The following MTMR4 variants were observed in gnomAD, a reference collection of about 807,000 sequenced individuals.
The protein encoded by MTMR4 is phosphatidylinositol-3,5-bisphosphate 3-phosphatase MTMR4.
MTMR4 carries 30 observed loss-of-function variants against 125.5 expected under a neutral mutation model. The observed-to-expected ratio is 0.24, with a 90% CI of 0.18 to 0.32. The LOEUF (loss-of-function observed/expected upper bound fraction) is 0.32, where lower values mean the gene tolerates loss of function less well. Among genes scored for constraint, MTMR4 ranks in the 10% least tolerant of loss-of-function variants. The probability of loss-of-function intolerance (pLI) is 1.00; values close to 1 mark genes in which losing one functional copy is unlikely to be tolerated. For synonymous variants in MTMR4, 498 were observed against 564.5 expected (o/e 0.88, Z 1.67); for missense variants, 1,039 against 1,511.5 (o/e 0.69, Z 5.18).
rs779175062 is a variant in MTMR4 at position 58,491,827 on chromosome 17, C to A, written c.3466G>T (p.Val1156Leu). Residue 1156 changes from valine to leucine, a missense_variant, in exon 18 of 18, where the codon GTA becomes TTA. Physicochemically the swap from Val to Leu is conservative, Grantham distance 32. Transcript: ENST00000682306. ...AGGTGGCAGCATCCAGCACAAAATA[C>A]ATTCCCACAATTTCTGTCAAAGCAG... ...RRHHCRNCGN[V>L]FCAGCCHLKL... 1 of 1,612,334 alleles carries A rather than the reference C, an allele frequency of 6.2e-7. No homozygotes were observed. The highest frequency in any genetic ancestry group is 2.2e-5 in the East Asian group (1 of 44,822).
rs2302189 is a variant in MTMR4, at chr17:58,506,844, A to C, written c.932T>G (p.Val311Gly). 619,522 of 1,611,908 alleles carry C rather than the reference A, an allele frequency of 0.38. 122,014 individuals are homozygous for C. Among genetic ancestry groups the C allele is most frequent in the Admixed American group, 0.56 (33,748 of 59,790 alleles). Residue 311 changes from valine to glycine, a missense_variant, in exon 9 of 18, where the codon GTG (valine) becomes GGG (glycine). Physicochemically the swap from Val to Gly is moderately radical, Grantham distance 109 (BLOSUM62 -3). Transcript: ENST00000682306. ...CTTTTGAGGAGCTGCTGTGCTCTCC[A>C]CTCCAGAGCACGCAGTCAGAGAAGA... ...FDSSLTACSG[V>G]ESTAAPQKLL... is the part of the protein sequence containing the mutation.
intron 4 of MTMR4, among the ~76,000 whole-genome samples, chr17:58,509,539 C>T (rs1245267924): frequency 1.3e-5 from 2 of 151,502 alleles, no homozygotes; most frequent in Admixed American, 6.6e-5. Flanking sequence ...ACAAATCAGT[C>T]CCCTGAGTAG....
chr17:58,505,998 G>A (rs1388830562), intron 9 of MTMR4, among the ~76,000 whole-genome samples: 7 of 152,210 alleles, frequency 4.6e-5, no homozygotes, highest in Non-Finnish European at 7.3e-5. Context: ...TGGCAGGGCA[G>A]AGCACTCCAG....
Position 58,508,967 on chromosome 17 carries a change from A to T in MTMR4, c.336-126T>A. ...AAGGCTGCAAAGCAAGAGGTAAAGC[A>T]GTGGGGACCCAGGGTGGGGGGACGA... On this transcript the variant is annotated intron_variant, in intron 4 of 17. Coordinates refer to ENST00000682306, the MANE Select transcript of MTMR4 (RefSeq NM_001378067.1). This position sits in a 1 kb window ranked among gnomAD's most constrained non-coding sequence, Gnocchi z 4.8. The T allele has an allele frequency of 9.5e-7, 1 of 1,058,004 alleles. No homozygotes were observed. The highest frequency in any genetic ancestry group is 1.4e-6 in the Non-Finnish European group (1 of 738,676). The allele number at this position is 1,058,004 out of a possible 1,614,324, so 65.5% of individuals were successfully genotyped here. A position where few individuals can be genotyped will look rare whatever the true frequency, so the allele number is the denominator to read the frequency against.
intron 15 of MTMR4, 147 bp downstream of exon 15, chr17:58,494,785 T>C: frequency 2.8e-6 from 2 of 701,924 alleles, no homozygotes; most frequent in South Asian, 1.9e-5. Context: ...AAAAACATCA[T>C]TCTAATTGCT....
rs779534580 is a variant in MTMR4 at position 58,507,119 on chromosome 17, T to C, written c.904+4A>G. 1 of 1,614,080 alleles carries C rather than the reference T, an allele frequency of 6.2e-7. No homozygotes were observed. Among genetic ancestry groups the C allele is most frequent in the Non-Finnish European group, 8.5e-7 (1 of 1,179,994 alleles). ...CTGGGGGGTTAGCATCATCCACACC[T>C]TACCAAAGTCAGCATCACACGCCTC... On this transcript the variant is annotated splice_donor_region_variant and intron_variant, in intron 8 of 17. Coordinates refer to ENST00000682306, the MANE Select transcript of MTMR4 (RefSeq NM_001378067.1).
At chr17:58,514,736 C>T, upstream of MTMR4, 1 of 918,104 alleles carries the variant, frequency 1.1e-6, no homozygotes, top group Non-Finnish European at 1.3e-6. Flanking sequence ...CTCCTCCCTC[C>T]CCGCGGACCC....
At chr17:58,494,848 G>A in intron 15 of MTMR4, 84 bp downstream of exon 15, 3 of 1,304,838 alleles carry the variant, frequency 2.3e-6, no homozygotes, top group Non-Finnish European at 3.2e-6. Context: ...CACACAGCAA[G>A]TACCCAACGA....
At position 58,503,910 on chromosome 17, in the gene MTMR4, G is replaced by T; in HGVS notation, c.1699-12C>A. The stretch of plus-strand genomic sequence containing the variant: ...ACAGGATGCAGGACCTAGGGAAGCA[G>T]CCCAATACTAGTGCTTTGTCAAGAG... On this transcript the variant is annotated splice_polypyrimidine_tract_variant and intron_variant, in intron 13 of 17. Coordinates refer to ENST00000682306, the MANE Select transcript of MTMR4 (RefSeq NM_001378067.1). The T allele has an allele frequency of 6.2e-7, 1 of 1,610,596 alleles. No individual in the cohort carries two copies. Among genetic ancestry groups the T allele is most frequent in the Non-Finnish European group, 8.5e-7 (1 of 1,178,324 alleles).
At chr17:58,516,321 G>A (rs1976084478), upstream of MTMR4, among the ~76,000 whole-genome samples, 3 of 152,218 alleles carry the variant, frequency 2.0e-5, no homozygotes, top group Admixed American at 6.5e-5. Flanking sequence ...AACCAGTGGT[G>A]GGTAGGGAGT....
chr17:58,517,406 C>G (rs1421762037), upstream of MTMR4, among the ~76,000 whole-genome samples: 2 of 152,254 alleles, frequency 1.3e-5, no homozygotes, highest in African/African-American at 4.8e-5. Context: ...CTGCGGGAGG[C>G]TGCGGGGATA....
At chr17:58,493,962 A>G (rs1975382564) in intron 15 of MTMR4, among the ~76,000 whole-genome samples, 1 of 152,090 alleles carries the variant, frequency 6.6e-6, no homozygotes, top group African/African-American at 2.4e-5. Context: ...TCTCACCTGG[A>G]TTATTCCAAA....
At chr17:58,497,626 G>C (rs1487399361) in intron 14 of MTMR4, among the ~76,000 whole-genome samples, 1 of 152,200 alleles carries the variant, frequency 6.6e-6, no homozygotes, top group East Asian at 1.9e-4. Flanking sequence ...GAAGTGTCCT[G>C]AAGGCAGGAC....
At chr17:58,513,831 G>T (rs996509543) in intron 1 of MTMR4, among the ~76,000 whole-genome samples, 1 of 151,540 alleles carries the variant, frequency 6.6e-6, no homozygotes, top group African/African-American at 2.4e-5. Context: ...GCAGAGGTAC[G>T]GAACCCTGCA....
chr17:58,507,002 C>A (rs2143905385), intron 8 of MTMR4, 121 bp downstream of exon 8: 1 of 1,549,164 alleles, frequency 6.5e-7, no homozygotes, highest in Non-Finnish European at 8.8e-7. Flanking sequence ...TCTGACAAGG[C>A]AGGGACCCCA....
intron 17 of MTMR4, among the ~76,000 whole-genome samples, chr17:58,492,267 G>A (rs1417803041): frequency 2.0e-5 from 3 of 152,142 alleles, no homozygotes; most frequent in African/African-American, 7.2e-5. Flanking sequence ...CAGCTCCCTG[G>A]TTCGAGCTAT....
At chr17:58,514,706 G>T (rs1693020565), upstream of MTMR4, 1 of 977,602 alleles carries the variant, frequency 1.0e-6, no homozygotes, top group African/African-American at 1.8e-5. Context: ...GGCTCCGCGG[G>T]CCCCGCCCAC....
chr17:58,500,240 C>A (rs554312081), intron 14 of MTMR4, among the ~76,000 whole-genome samples: 1 of 152,156 alleles, frequency 6.6e-6, no homozygotes, highest in African/African-American at 2.4e-5. Flanking sequence ...AATCCTCCTA[C>A]GTCAGCCCTC....
Position 58,504,096 on chromosome 17 carries a change from C to T in MTMR4, c.1652G>A (p.Gly551Asp). ...GAGGAAGTTATGAAAGTTTTTATTG[C>T]CAGCTCGAAGGAGCGCCCACACAGA... is the stretch of plus-strand genomic sequence containing the variant. ...TCSVWALLRA[G>D]NKNFHNFLYT... The change falls in exon 13 of 18, where the codon GGC becomes GAC. Residue 551 changes from glycine (G) to aspartate (D), a missense_variant. Gly to Asp is a moderately conservative substitution (Grantham distance 94). This residue lies in a region of MTMR4 where 619 missense variants were observed against 714.5 expected (regional missense o/e 0.87). Transcript: ENST00000682306. This position sits in a 1 kb window ranked among gnomAD's most constrained non-coding sequence, Gnocchi z 7.1. The T allele has an allele frequency of 6.3e-7, 1 of 1,586,590 alleles. No homozygotes were observed. Among genetic ancestry groups the T allele is most frequent in the East Asian group, 2.2e-5 (1 of 44,654 alleles).
Sources: gnomAD v4.1 joint callset for allele counts (sites outside exome capture counted in the v4.1 genomes callset) on GRCh38, gnomAD v4.1.1 for gene constraint, gnomAD v4.1.1 regional missense constraint, Gnocchi (gnomAD v3.1) non-coding constraint, MANE v1.5 for transcripts, NCBI Gene and HGNC (gene_info 2026-07-23, HGNC 2026-07-21) for gene names.